The following ZNF684 variants were observed in gnomAD, a reference collection of about 807,000 sequenced individuals.
The protein encoded by ZNF684 is zinc finger protein 684.
A neutral mutation model predicts 12.8 loss-of-function variants in ZNF684; 13 were observed. That is an observed-to-expected ratio of 1.02 (90% CI 0.66 to 1.62). ZNF684 has a LOEUF of 1.62. ZNF684 is among the 40% of genes most tolerant of loss of function. The probability of loss-of-function intolerance (pLI) is 0.00; values close to 1 mark genes in which losing one functional copy is unlikely to be tolerated. For missense variants in ZNF684, 384 were observed against 446.9 expected (o/e 0.86, Z 1.27); for synonymous variants, 118 against 151.8 (o/e 0.78, Z 1.64).
intron 2 of ZNF684, among the ~76,000 whole-genome samples, chr1:40,537,624 T>G (rs1645992616): frequency 6.6e-6 from 1 of 151,914 alleles, no homozygotes; most frequent in Non-Finnish European, 1.5e-5. Flanking sequence ...ATACCTGTAG[T>G]CCCAGCTACT....
At chr1:40,544,990 G>A (rs946561061) in intron 4 of ZNF684, 1 of 152,180 alleles carries the variant, frequency 6.6e-6, no homozygotes, top group African/African-American at 2.4e-5. Context: ...ATTTGTTGAG[G>A]ACTAGTGAAA....
rs1646054885 is a variant in ZNF684, at chr1:40,547,345, A to G, written c.1022A>G (p.His341Arg). Residue 341 changes from histidine to arginine, a missense_variant, in exon 5 of 5, where the codon CAT becomes CGT. Physicochemically the swap from His to Arg is conservative, Grantham distance 29. Transcript: ENST00000372699. Reference sequence around the variant, plus strand: ...GGCAAAGCCTTCATCAAGAAGTCCCATCTCCTCAGACATCAGATAACTCAT... The same window carrying G: ...GGCAAAGCCTTCATCAAGAAGTCCCGTCTCCTCAGACATCAGATAACTCAT... ...ECGKAFIKKS[H>R]LLRHQITHTG... The G allele has an allele frequency of 6.2e-7, 1 of 1,613,888 alleles. No individual in the cohort carries two copies. Among genetic ancestry groups the G allele is most frequent in the African/African-American group, 1.3e-5 (1 of 74,926 alleles).
Position 40,546,964 on chromosome 1 carries a change from C to G in ZNF684, c.641C>G (p.Pro214Arg), listed in dbSNP as rs1402854520. 2.5e-6 allele frequency: 4 copies of G among 1,614,002 alleles called. No individual in the cohort carries two copies. The highest frequency in any genetic ancestry group is 3.4e-6 in the Non-Finnish European group (4 of 1,179,988). Residue 214 changes from proline to arginine, a missense_variant, in exon 5 of 5, where the codon CCC becomes CGC. Coordinates refer to ENST00000372699, the MANE Select transcript of ZNF684 (RefSeq NM_152373.4). ...CAGAAAATTCATAATGGAGAGAGAC[C>G]CTTTGTGTGCAATGATTGTGGGAAG... Reference protein sequence around the residue: ...THQKIHNGERPFVCNDCGKAF... With the variant: ...THQKIHNGERRFVCNDCGKAF...
intron 2 of ZNF684, among the ~76,000 whole-genome samples, chr1:40,538,027 T>C (rs1645994385): frequency 6.6e-6 from 1 of 152,176 alleles, no homozygotes; most frequent in Non-Finnish European, 1.5e-5. Flanking sequence ...CTATTTTTCT[T>C]TTTTATTTAT....
rs148847197 is a variant in ZNF684 at position 40,547,187 on chromosome 1, A to T, written c.864A>T (p.Lys288Asn). ...KTFRYSSSLYKHSRFHTGEKP... is the reference protein window; with the variant it reads ...KTFRYSSSLYNHSRFHTGEKP... Reference sequence around the variant, plus strand: ...TCAGGTATAGTTCATCCCTTTATAAACATTCCAGATTTCATACAGGAGAGA... The same window carrying T: ...TCAGGTATAGTTCATCCCTTTATAATCATTCCAGATTTCATACAGGAGAGA... Residue 288 changes from lysine (K) to asparagine (N), a missense_variant, in exon 5 of 5, where the codon AAA becomes AAT. By Grantham distance (94) the Lys-to-Asn change is moderately conservative (BLOSUM62 0). Coordinates refer to ENST00000372699, the MANE Select transcript of ZNF684 (RefSeq NM_152373.4). 6.2e-6 allele frequency: 10 copies of T among 1,614,116 alleles called. No homozygotes were observed. In the African/African-American group the frequency reaches 1.3e-4, roughly 22 times the overall value.
Position 40,533,147 on chromosome 1 carries a change from C to A in ZNF684, c.-20C>A, listed in dbSNP as rs1645966481. 6.2e-7 allele frequency: 1 copy of A among 1,612,860 alleles called. No individual in the cohort carries two copies. Among genetic ancestry groups the A allele is most frequent in the African/African-American group, 1.3e-5 (1 of 75,012 alleles). ...TCCCCATTTCTACTTTCATAGATTT[C>A]TGTGTAAGAGCTGCAGAAAATGATC... On this transcript the variant is annotated 5_prime_UTR_variant, in exon 2 of 5. In the 5' UTR this introduces an upstream ATG that the reference lacks. Transcript: ENST00000372699.
At chr1:40,536,494 CT>C (rs1645986022) in intron 2 of ZNF684, among the ~76,000 whole-genome samples, 1 of 149,560 alleles carries the variant, frequency 6.7e-6, no homozygotes, top group Non-Finnish European at 1.5e-5. Flanking sequence ...GCATGTAAAC[CT>C]TACAGTCTCA....
chr1:40,547,453 A>G lies in ZNF684; in HGVS notation c.1130A>G (p.His377Arg), dbSNP rs771341509. Residue 377 changes from histidine (H) to arginine (R), a missense_variant, in exon 5 of 5, where the codon CAT becomes CGT. Coordinates refer to ENST00000372699, the MANE Select transcript of ZNF684 (RefSeq NM_152373.4). ...AATCTTATTGTACATCAGAAAATTC[A>G]TACATAATATTCACTTTATGAATAT... ...KSNLIVHQKI[H>R]T is the part of the protein sequence containing the mutation. 2.5e-6 allele frequency: 4 copies of G among 1,598,756 alleles called. No individual in the cohort carries two copies. The South Asian group carries it at 3.4e-5, about 13-fold the overall frequency.
chr1:40,532,083 G>C (rs528549373), intron 1 of ZNF684, among the ~76,000 whole-genome samples: 1 of 152,256 alleles, frequency 6.6e-6, no homozygotes, highest in South Asian at 2.1e-4. Flanking sequence ...GGTTCCAAGA[G>C]CATAGTTGGC....
chr1:40,537,981 T>C (rs1265666088), intron 2 of ZNF684, among the ~76,000 whole-genome samples: 18 of 152,168 alleles, frequency 1.2e-4, no homozygotes, highest in Admixed American at 1.2e-3. Context: ...ATGTAATCTT[T>C]CATGACTGGC....
rs1239913432 is a variant in ZNF684, at chr1:40,547,803, T to C, written c.*343T>C. On this transcript the variant is annotated 3_prime_UTR_variant, in exon 5 of 5. Coordinates refer to ENST00000372699, the MANE Select transcript of ZNF684 (RefSeq NM_152373.4). ...TAAAATATATGCTTATACATTATATTAAAGTATGCCTATTAACAGTTTCTG... is the reference window on the plus strand; with the variant it reads ...TAAAATATATGCTTATACATTATATCAAAGTATGCCTATTAACAGTTTCTG... 1 of 165,448 alleles carries C rather than the reference T, an allele frequency of 6.0e-6. No homozygotes were observed. Among genetic ancestry groups the C allele is most frequent in the East Asian group, 1.7e-4 (1 of 5,784 alleles). The allele number at this position is 165,448 out of a possible 1,614,324, so 10.2% of individuals were successfully genotyped here. A position where few individuals can be genotyped will look rare whatever the true frequency, so the allele number is the denominator to read the frequency against.
At chr1:40,535,602 T>TTA (rs1553134640) in intron 2 of ZNF684, among the ~76,000 whole-genome samples, 16 of 151,866 alleles carry the variant, frequency 1.1e-4, no homozygotes, top group African/African-American at 2.9e-4. Context: ...GTTTTTTTTT[T>TTA]ATTTTGTTTT....
chr1:40,540,233 T>G (rs1646006950), intron 2 of ZNF684, among the ~76,000 whole-genome samples: 1 of 152,210 alleles, frequency 6.6e-6, no homozygotes, highest in South Asian at 2.1e-4. Flanking sequence ...TTTGATAGCT[T>G]TGTTTCTTAC....
chr1:40,536,419 A>G (rs1348150992), intron 2 of ZNF684, among the ~76,000 whole-genome samples: 12 of 151,010 alleles, frequency 7.9e-5, no homozygotes, highest in Non-Finnish European at 1.2e-4. Flanking sequence ...AGAAAAAAAA[A>G]AGGACATATT....
At chr1:40,536,319 G>A (rs1474115894) in intron 2 of ZNF684, among the ~76,000 whole-genome samples, 3 of 150,744 alleles carry the variant, frequency 2.0e-5, no homozygotes, top group South Asian at 2.1e-4. Context: ...GCATGAACCC[G>A]GGAGGTGGAG....
chr1:40,543,079 C>T (rs1357547238), intron 4 of ZNF684, among the ~76,000 whole-genome samples: 1 of 152,168 alleles, frequency 6.6e-6, no homozygotes, highest in Non-Finnish European at 1.5e-5. Flanking sequence ...TCATAGCTCA[C>T]TGCAGCCTTG....
At position 40,532,498 on chromosome 1, in the gene ZNF684, TC is replaced by T. The variant is rs560134336; in HGVS notation, c.-24-643del. 6.3e-4 allele frequency among the ~76,000 whole-genome samples: 96 copies of T among 152,254 alleles called. 2 individuals carry two copies. In the Middle Eastern group the frequency reaches 0.01, roughly 16 times the overall value. Reference sequence around the variant, plus strand: ...AGTCTCTTGGTGTATCTGCAGATCTTCCAGTGCAGACTGTGTAAATGAAGAT... The same window carrying T: ...AGTCTCTTGGTGTATCTGCAGATCTTCAGTGCAGACTGTGTAAATGAAGAT... On this transcript the variant is annotated intron_variant, in intron 1 of 4. Transcript: ENST00000372699.
chr1:40,546,993 T>C lies in ZNF684; in HGVS notation c.670T>C (p.Phe224Leu). The C allele has an allele frequency of 1.2e-6, 2 of 1,614,048 alleles. No homozygotes were observed. ...PFVCNDCGKA[F>L]MHKAQLVVHQ... ...TGTGTGCAATGATTGTGGGAAGGCG[T>C]TTATGCATAAAGCCCAACTCGTGGT... The change falls in exon 5 of 5, where the codon TTT becomes CTT. Residue 224 changes from phenylalanine to leucine, a missense_variant. Coordinates refer to ENST00000372699, the MANE Select transcript of ZNF684 (RefSeq NM_152373.4).
rs1570106575 is a variant in ZNF684, at chr1:40,536,187, A to C, written c.15+3006A>C. Among the ~76,000 whole-genome samples, 4 of 152,178 alleles carry C rather than the reference A, an allele frequency of 2.6e-5. No individual in the cohort carries two copies. The East Asian group carries it at 7.7e-4, about 29-fold the overall frequency. On this transcript the variant is annotated intron_variant, in intron 2 of 4. Transcript: ENST00000372699. ...GGCGGGCAGATCACGAGGTCAGGAG[A>C]TCGAGACCATCCTGGCTAACATGGT...
Sources: gnomAD v4.1 joint callset for allele counts (sites outside exome capture counted in the v4.1 genomes callset) on GRCh38, gnomAD v4.1.1 for gene constraint, MANE v1.5 for transcripts, NCBI Gene and HGNC (gene_info 2026-07-23, HGNC 2026-07-21) for gene names.